Variants in ANKRD33B observed in about 807,000 individuals in gnomAD.
ANKRD33B encodes ankyrin repeat domain-containing protein 33B.
A neutral mutation model predicts 21.5 loss-of-function variants in ANKRD33B; 6 were observed. The ratio of observed to expected loss-of-function variants is 0.28; its 90% confidence interval spans 0.15 to 0.55. The LOEUF is 0.55. ANKRD33B is among the 20% of genes least tolerant of loss of function. The pLI is 0.94. For missense variants in ANKRD33B, 698 were observed against 747.2 expected (o/e 0.93, Z 0.77); for synonymous variants, 347 against 342.4 (o/e 1.01, Z -0.15).
At position 10,618,336 on chromosome 5, in the gene ANKRD33B, G is replaced by A. The variant is rs773162015; in HGVS notation, c.370G>A (p.Gly124Ser). ...AQETDRNGRT[G>S]LIVACYHGFV... ...CGCTTCCCCTCTTCATTTCTAGACC[G>A]GCCTTATTGTCGCCTGCTACCACGG... Residue 124 changes from glycine (G) to serine (S), a missense_variant, in exon 2 of 4, where the codon GGC becomes AGC. Coordinates refer to ENST00000296657, the MANE Select transcript of ANKRD33B (RefSeq NM_001164440.2). 3.9e-6 allele frequency: 6 copies of A among 1,537,166 alleles called. No individual in the cohort carries two copies. Among genetic ancestry groups the A allele is most frequent in the Admixed American group, 2.0e-5 (1 of 50,996 alleles).
At position 10,649,999 on chromosome 5, in the gene ANKRD33B, G is replaced by C; in HGVS notation, c.1371G>C (p.Lys457Asn). The C allele has an allele frequency of 6.5e-7, 1 of 1,533,668 alleles. No homozygotes were observed. Among genetic ancestry groups the C allele is most frequent in the Non-Finnish European group, 8.7e-7 (1 of 1,144,908 alleles). Residue 457 changes from lysine (K) to asparagine (N), a missense_variant, in exon 4 of 4, where the codon AAG becomes AAC. Lys to Asn is a moderately conservative substitution (Grantham distance 94, BLOSUM62 0). Around this residue, in one of 3 missense-constraint regions of ANKRD33B, gnomAD observed 543 missense variants for 566.5 expected, o/e 0.96. Coordinates refer to ENST00000296657, the MANE Select transcript of ANKRD33B (RefSeq NM_001164440.2). ...TKDSGHLQIP[K>N]WRYKEAKEEK... is the part of the protein sequence containing the mutation. ...ACAGCGGCCACCTGCAGATCCCCAA[G>C]TGGCGGTACAAGGAGGCCAAGGAGG...
chr5:10,624,967 A>C (rs1467557255), intron 2 of ANKRD33B: 2 of 353,642 alleles, frequency 5.7e-6, no homozygotes, highest in Non-Finnish European at 1.1e-5. Context: ...CCCCACATTG[A>C]GGATGGAGAG....
chr5:10,645,973 G>A lies in ANKRD33B; in HGVS notation c.638-3293G>A, dbSNP rs891203919. 3.9e-5 allele frequency among the ~76,000 whole-genome samples: 6 copies of A among 152,340 alleles called. No homozygotes were observed. In the South Asian group the frequency reaches 1.2e-3, roughly 32 times the overall value. On this transcript the variant is annotated intron_variant, in intron 3 of 3. Coordinates refer to ENST00000296657, the MANE Select transcript of ANKRD33B (RefSeq NM_001164440.2). ...CTACTGGCATCTAGAAGAAGGTAGA[G>A]ATCAGGGATGCCGTTAAATGTTCTC...
chr5:10,621,336 C>T (rs1027281920), intron 2 of ANKRD33B, among the ~76,000 whole-genome samples: 4 of 152,114 alleles, frequency 2.6e-5, no homozygotes, highest in Admixed American at 2.6e-4. Flanking sequence ...AATGTTATTG[C>T]TTCTAGGCAT....
intron 1 of ANKRD33B, among the ~76,000 whole-genome samples, chr5:10,613,720 G>A (rs745377998): frequency 1.2e-4 from 18 of 151,894 alleles, no homozygotes; most frequent in Non-Finnish European, 1.6e-4. Flanking sequence ...CCAATATGGT[G>A]AAACCTCCAT....
intron 2 of ANKRD33B, among the ~76,000 whole-genome samples, chr5:10,622,818 T>A (rs1278459041): frequency 6.7e-6 from 1 of 150,152 alleles, no homozygotes; most frequent in Non-Finnish European, 1.5e-5. Flanking sequence ...ATTTTTTTTT[T>A]TTTCTGGCTT....
intron 3 of ANKRD33B, among the ~76,000 whole-genome samples, chr5:10,641,880 C>T (rs73040971): frequency 0.42 from 63,659 of 151,694 alleles, 13,593 homozygotes; most frequent in Middle Eastern, 0.56. Flanking sequence ...TTTAAAAAAA[C>T]GAGATATCAG....
intron 3 of ANKRD33B, among the ~76,000 whole-genome samples, chr5:10,643,474 C>T (rs1283354671): frequency 6.6e-6 from 1 of 151,970 alleles, no homozygotes; most frequent in Non-Finnish European, 1.5e-5. Context: ...ACATTTTCCC[C>T]TCTGTGTACT....
At chr5:10,601,142 A>G (rs1478203155) in intron 1 of ANKRD33B, among the ~76,000 whole-genome samples, 1 of 152,148 alleles carries the variant, frequency 6.6e-6, no homozygotes, top group Admixed American at 6.5e-5. Flanking sequence ...GTTGGGGGGC[A>G]TATATTTAAA....
At chr5:10,573,424 C>T (rs1328421876) in intron 1 of ANKRD33B, among the ~76,000 whole-genome samples, 2 of 149,576 alleles carry the variant, frequency 1.3e-5, no homozygotes, top group East Asian at 2.0e-4. Context: ...GCTGAGATCA[C>T]GCCACTGCAC....
intron 1 of ANKRD33B, among the ~76,000 whole-genome samples, chr5:10,581,719 C>G (rs1456761750): frequency 6.6e-6 from 1 of 152,138 alleles, no homozygotes; most frequent in Non-Finnish European, 1.5e-5. Flanking sequence ...GGAGATTACC[C>G]TCTATAATTT....
Position 10,619,619 on chromosome 5 carries a change from CA to C in ANKRD33B, c.496+1158del, listed in dbSNP as rs367902516. Among the ~76,000 whole-genome samples, 692 of 152,280 alleles carry C rather than the reference CA, an allele frequency of 4.5e-3. 3 individuals are homozygous for C. The highest frequency in any genetic ancestry group is 0.016 in the African/African-American group (644 of 41,548). On this transcript the variant is annotated intron_variant, in intron 2 of 3. Transcript: ENST00000296657. The surrounding 1 kb of genome is among the most constrained non-coding windows in gnomAD (Gnocchi z 4.5). ...GGAACTCTTCAAACTTAGAAAGGGC[CA>C]GGGGCTGTGCTAACATGTGTTCACC...
intron 1 of ANKRD33B, among the ~76,000 whole-genome samples, chr5:10,601,939 G>T (rs981141262): frequency 1.3e-5 from 2 of 152,234 alleles, no homozygotes; most frequent in Non-Finnish European, 2.9e-5. Flanking sequence ...TGGTGCACAT[G>T]AGAACAAGAC....
intron 2 of ANKRD33B, among the ~76,000 whole-genome samples, chr5:10,621,201 C>T (rs193262157): frequency 1.3e-5 from 2 of 152,268 alleles, no homozygotes; most frequent in Admixed American, 1.3e-4. Context: ...GTTCCACATT[C>T]TCCCTGGACT....
intron 2 of ANKRD33B, among the ~76,000 whole-genome samples, chr5:10,637,220 G>A (rs1297978396): frequency 1.3e-5 from 2 of 152,210 alleles, no homozygotes; most frequent in Non-Finnish European, 2.9e-5. Flanking sequence ...CAGCACTGTT[G>A]CTGTGACATT....
chr5:10,572,796 T>C lies in ANKRD33B; in HGVS notation c.366+7963T>C, dbSNP rs532164330. Among the ~76,000 whole-genome samples, 22 of 152,342 alleles carry C rather than the reference T, an allele frequency of 1.4e-4. No homozygotes were observed. In the South Asian group the frequency reaches 4.6e-3, roughly 32 times the overall value. On this transcript the variant is annotated intron_variant, in intron 1 of 3. Coordinates refer to ENST00000296657, the MANE Select transcript of ANKRD33B (RefSeq NM_001164440.2). The stretch of plus-strand genomic sequence containing the variant: ...TGACGTGGTTACACCTGCTTCTTCC[T>C]GGGCCTCCCTGTCCATGCCTCTCCC...
rs146914357 is a variant in ANKRD33B at position 10,625,564 on chromosome 5, A to G, written c.496+7102A>G. On this transcript the variant is annotated intron_variant, in intron 2 of 3. Transcript: ENST00000296657. Reference sequence around the variant, plus strand: ...CGTAGCCCTGCCTTCCTGCACGGGGATGTGTGGCTCATGCCCGGTTCCCCA... The same window carrying G: ...CGTAGCCCTGCCTTCCTGCACGGGGGTGTGTGGCTCATGCCCGGTTCCCCA... Among the ~76,000 whole-genome samples the G allele has an allele frequency of 2.4e-4, 36 of 152,104 alleles. 1 individual carries two copies. The highest frequency in any genetic ancestry group is 8.4e-4 in the African/African-American group (35 of 41,488).
intron 3 of ANKRD33B, among the ~76,000 whole-genome samples, chr5:10,645,539 G>C (rs1428322827): frequency 1.3e-5 from 2 of 152,198 alleles, no homozygotes; most frequent in Admixed American, 1.3e-4. Context: ...AAGAAAACAG[G>C]CCGCATTTCT....
intron 1 of ANKRD33B, among the ~76,000 whole-genome samples, chr5:10,571,925 A>G (rs996382643): frequency 2.9e-5 from 4 of 136,524 alleles, no homozygotes; most frequent in African/African-American, 1.1e-4. Flanking sequence ...TTTTGCTCTT[A>G]TTGCCCAGGC....
Sources: allele counts gnomAD v4.1 joint callset (sites outside exome capture counted in the v4.1 genomes callset), GRCh38; gene constraint gnomAD v4.1.1; regional missense constraint gnomAD v4.1.1; non-coding constraint Gnocchi (gnomAD v3.1); transcripts MANE v1.5; gene names NCBI Gene and HGNC (gene_info 2026-07-23, HGNC 2026-07-21).